HDAC8: variants seen among roughly 807,000 people sequenced by gnomAD.
HDAC8 encodes the protein histone deacetylase-like 1.
In HDAC8, 1 loss-of-function variant was observed where a neutral mutation model predicts 32.2. The ratio of observed to expected loss-of-function variants is 0.03; its 90% confidence interval spans 0.01 to 0.15. HDAC8 has a LOEUF of 0.15. HDAC8 is among the 10% of genes least tolerant of loss of function. The probability of loss-of-function intolerance (pLI) is 1.00; values close to 1 mark genes in which losing one functional copy is unlikely to be tolerated. For synonymous variants in HDAC8, 108 were observed against 113.9 expected (o/e 0.95, Z 0.33); for missense variants, 117 against 300.0 (o/e 0.39, Z 4.51).
At chrX:72,536,505 C>T (rs941972230) in intron 4 of HDAC8, among the ~76,000 whole-genome samples, 21 of 111,933 alleles carry the variant, frequency 1.9e-4, no homozygotes, top group African/African-American at 6.8e-4. Context: ...CTCATTAAGC[C>T]CCCAATTGTG....
At chrX:72,568,699 G>T in intron 3 of HDAC8, 55 bp downstream of exon 3, 10 of 1,165,495 alleles carry the variant, frequency 8.6e-6, no homozygotes, top group Non-Finnish European at 1.2e-5. Flanking sequence ...AATCATACAA[G>T]TTATAAAAAA....
intron 2 of HDAC8, among the ~76,000 whole-genome samples, chrX:72,571,553 CTTTTTTTTTTTT>C (rs782331910): frequency 7.2e-4 from 22 of 30,445 alleles, no homozygotes; most frequent in South Asian, 4.3e-3. Flanking sequence ...TTCTTTCTTT[CTTTTTTTTTTTT>C]TTTTTTTTTT....
chrX:72,518,367 A>G (rs1329377046), intron 4 of HDAC8, among the ~76,000 whole-genome samples: 1 of 111,758 alleles, frequency 8.9e-6, no homozygotes, highest in African/African-American at 3.3e-5. Flanking sequence ...ATGGAATTAT[A>G]TAATATGTGA....
intron 4 of HDAC8, among the ~76,000 whole-genome samples, chrX:72,514,201 G>C (rs781984491): frequency 8.9e-6 from 1 of 112,080 alleles, no homozygotes; most frequent in Non-Finnish European, 1.9e-5. Context: ...AGCAATATAG[G>C]CTGCACAGAC....
At chrX:72,438,116 C>A (rs782811074) in intron 9 of HDAC8, among the ~76,000 whole-genome samples, 32 of 112,031 alleles carry the variant, frequency 2.9e-4, no homozygotes, top group Non-Finnish European at 4.7e-4. Context: ...CTGGCAGGGG[C>A]CCCTCTGGGA....
intron 9 of HDAC8, among the ~76,000 whole-genome samples, chrX:72,444,247 A>C (rs2047292298): frequency 9.9e-6 from 1 of 101,212 alleles, no homozygotes; most frequent in African/African-American, 3.7e-5. Context: ...AGAGAATTTT[A>C]GACCAATATC....
At chrX:72,330,569 G>C (rs1312919894) in intron 10 of HDAC8, among the ~76,000 whole-genome samples, 3 of 111,529 alleles carry the variant, frequency 2.7e-5, no homozygotes, top group African/African-American at 9.8e-5. Flanking sequence ...ATTTTCTCTT[G>C]TGAGTACCTG....
At chrX:72,378,485 T>C (rs1318445702) in intron 9 of HDAC8, among the ~76,000 whole-genome samples, 1 of 112,060 alleles carries the variant, frequency 8.9e-6, no homozygotes, top group Non-Finnish European at 1.9e-5. Flanking sequence ...CTTCTTGAAC[T>C]TCCTAGCTTC....
chrX:72,563,233 T>G (rs1442687679), intron 4 of HDAC8, among the ~76,000 whole-genome samples: 1 of 111,658 alleles, frequency 9.0e-6, no homozygotes, highest in African/African-American at 3.3e-5. Context: ...AAGTTCCCTA[T>G]AATCCTTATA....
chrX:72,568,663 G>T, intron 3 of HDAC8, 91 bp downstream of exon 3: 1 of 1,048,377 alleles, frequency 9.5e-7, no homozygotes, highest in South Asian at 2.0e-5. Flanking sequence ...GTTAACACAT[G>T]ATTTCTTAAC....
chrX:72,429,529 C>T (rs2046752725), intron 9 of HDAC8, among the ~76,000 whole-genome samples: 1 of 112,139 alleles, frequency 8.9e-6, no homozygotes, highest in South Asian at 3.7e-4. Context: ...CAGAAACCCA[C>T]ATTTCAGAAG....
chrX:72,351,655 A>G, intron 10 of HDAC8, 78 bp downstream of exon 10: 1 of 666,109 alleles, frequency 1.5e-6, no homozygotes, highest in Non-Finnish European at 2.4e-6. Context: ...GGCAAATGGT[A>G]TTTAAGGAAG....
chrX:72,503,878 G>C (rs782741409), intron 4 of HDAC8, among the ~76,000 whole-genome samples: 2 of 111,949 alleles, frequency 1.8e-5, no homozygotes, highest in South Asian at 3.7e-4. Context: ...TGACTTACAG[G>C]GTTCTCAGCC....
intron 9 of HDAC8, among the ~76,000 whole-genome samples, chrX:72,434,763 A>G (rs1479630339): frequency 1.8e-5 from 2 of 111,924 alleles, no homozygotes; most frequent in African/African-American, 3.2e-5. Context: ...TCTAAAATTT[A>G]TTGAGTGCTT....
At chrX:72,402,513 G>A (rs1447413999) in intron 9 of HDAC8, among the ~76,000 whole-genome samples, 3 of 107,151 alleles carry the variant, frequency 2.8e-5, no homozygotes, top group Admixed American at 1.0e-4. Context: ...TTCCTTCTGA[G>A]CACTGCTTTA....
chrX:72,508,350 T>C (rs1327741007), intron 4 of HDAC8, among the ~76,000 whole-genome samples: 1 of 112,166 alleles, frequency 8.9e-6, no homozygotes, highest in Admixed American at 9.4e-5. Flanking sequence ...CAATAAATTT[T>C]CACAAAAACC....
At chrX:72,478,890 C>G (rs1234688276) in intron 7 of HDAC8, among the ~76,000 whole-genome samples, 1 of 110,386 alleles carries the variant, frequency 9.1e-6, no homozygotes, top group Admixed American at 9.7e-5. Flanking sequence ...CTCCTGACTT[C>G]AAGTGATCTG....
intron 10 of HDAC8, among the ~76,000 whole-genome samples, chrX:72,348,753 T>C (rs2044095989): frequency 8.9e-6 from 1 of 111,883 alleles, no homozygotes; most frequent in African/African-American, 3.3e-5. Flanking sequence ...TAGTTTCTCT[T>C]CTTCTCTGCC....
intron 10 of HDAC8, among the ~76,000 whole-genome samples, chrX:72,337,449 C>T (rs1425219256): frequency 5.4e-5 from 6 of 111,335 alleles, no homozygotes; most frequent in Non-Finnish European, 7.5e-5. Flanking sequence ...TCCTTCATGA[C>T]GTTGACTAGG....
Sources: allele counts gnomAD v4.1 joint callset (sites outside exome capture counted in the v4.1 genomes callset), GRCh38; gene constraint gnomAD v4.1.1; transcripts MANE v1.5; gene names NCBI Gene and HGNC (gene_info 2026-07-23, HGNC 2026-07-21).